The following BDP1 variants were observed in gnomAD, a reference collection of about 807,000 sequenced individuals.
The protein encoded by BDP1 is transcription factor TFIIIB component B'' homolog.
BDP1 carries 169 observed loss-of-function variants against 266.6 expected under a neutral mutation model. The ratio of observed to expected loss-of-function variants is 0.63; its 90% CI spans 0.56 to 0.72. BDP1 has a LOEUF of 0.72. Ranked by LOEUF, BDP1 falls within the 30% of genes least tolerant of loss-of-function variation. The pLI, the probability that BDP1 is intolerant of heterozygous loss-of-function variation, is 0.00. For missense variants in BDP1, 3,015 were observed against 3,053.8 expected (o/e 0.99, Z 0.30); for synonymous variants, 1,090 against 1,022.4 (o/e 1.07, Z -1.26).
At chr5:71,569,689 A>G (rs1175682719), downstream of BDP1, among the ~76,000 whole-genome samples, 1 of 152,132 alleles carries the variant, frequency 6.6e-6, no homozygotes, top group African/African-American at 2.4e-5. Flanking sequence ...AGGTTGCAGT[A>G]CGCTGATATT....
chr5:71,486,115 G>GT (rs1763244423), intron 8 of BDP1, among the ~76,000 whole-genome samples: 1 of 151,986 alleles, frequency 6.6e-6, no homozygotes, highest in African/African-American at 2.4e-5. Flanking sequence ...CCTAGTATCT[G>GT]TTTTCTTCCA....
At chr5:71,468,607 C>CTT (rs11376926) in intron 6 of BDP1, among the ~76,000 whole-genome samples, 1,447 of 134,732 alleles carry the variant, frequency 0.011, 32 homozygotes, top group African/African-American at 0.029. Flanking sequence ...ACAATATTTC[C>CTT]TTTTTTTTTT....
intron 25 of BDP1, among the ~76,000 whole-genome samples, chr5:71,527,022 T>C (rs1442313960): frequency 3.3e-5 from 5 of 151,454 alleles, no homozygotes; most frequent in Non-Finnish European, 7.4e-5. Context: ...TCAGTGGCAT[T>C]AAGAACATTC....
At chr5:71,502,564 A>T (rs773772809) in intron 14 of BDP1, 35 bp from the exon 15 acceptor site, 5 of 1,538,428 alleles carry the variant, frequency 3.3e-6, no homozygotes, top group Admixed American at 4.2e-5. Flanking sequence ...GGTGACTTCA[A>T]AATAAACATT....
chr5:71,528,342 TG>T (rs1311659859), intron 25 of BDP1, among the ~76,000 whole-genome samples: 2 of 152,212 alleles, frequency 1.3e-5, no homozygotes, highest in Non-Finnish European at 2.9e-5. Context: ...CACTTTTGCC[TG>T]TTAGTCTGCC....
intron 13 of BDP1, among the ~76,000 whole-genome samples, chr5:71,498,170 T>C (rs574548261): frequency 1.3e-5 from 2 of 152,260 alleles, no homozygotes; most frequent in African/African-American, 4.8e-5. Flanking sequence ...CAGGATGGTC[T>C]CTGTCTCCTG....
chr5:71,494,933 A>G (rs1198528675), intron 11 of BDP1: 1 of 169,658 alleles, frequency 5.9e-6, no homozygotes, highest in Non-Finnish European at 1.2e-5. Context: ...CCTGGCCTCA[A>G]GTGATCTGCC....
At chr5:71,575,874 G>A in the BDP1 span, among the ~76,000 whole-genome samples, 27 of 152,236 alleles carry the variant, frequency 1.8e-4, no homozygotes, top group Middle Eastern at 3.4e-3. Flanking sequence ...TCTTTTGGCC[G>A]CTCCTACAGA....
At position 71,562,324 on chromosome 5, in the gene BDP1, G is replaced by A; in HGVS notation, c.7547G>A (p.Ser2516Asn). 6.2e-7 allele frequency: 1 copy of A among 1,608,610 alleles called. No individual in the cohort carries two copies. Among genetic ancestry groups the A allele is most frequent in the South Asian group, 1.1e-5 (1 of 90,964 alleles). The change falls in exon 38 of 39, where the codon AGT becomes AAT. Residue 2516 changes from serine (S) to asparagine (N), a missense_variant. Transcript: ENST00000358731. ...TTATCTTTAATATGCTCAAAGAATA[G>A]TTTGGAGTCTGATGAACCTATGCAA... ...GFLSLICSKNSLESDEPMQVH... is the reference protein window; with the variant it reads ...GFLSLICSKNNLESDEPMQVH...
chr5:71,568,914 G>A (rs1165540628), downstream of BDP1, among the ~76,000 whole-genome samples: 4 of 152,162 alleles, frequency 2.6e-5, no homozygotes, highest in Admixed American at 2.6e-4. Context: ...AAAATCAGTT[G>A]TCCCTGCCAC....
rs370219107 is a variant in BDP1, at chr5:71,478,096, C to G, written c.1015-5746C>G. 9.9e-5 allele frequency among the ~76,000 whole-genome samples: 15 copies of G among 152,122 alleles called. 1 individual carries two copies. Among genetic ancestry groups the G allele is most frequent in the African/African-American group, 3.6e-4 (15 of 41,526 alleles). On this transcript the variant is annotated intron_variant, in intron 7 of 38. Coordinates refer to ENST00000358731, the MANE Select transcript of BDP1 (RefSeq NM_018429.3). ...AGGAACCCTGTCTCTACTAAAAATA[C>G]AAAATTAGCCAGGCGTGGTGGCACA... is the stretch of plus-strand genomic sequence containing the variant.
chr5:71,490,972 T>A lies in BDP1; in HGVS notation c.1493-12T>A, dbSNP rs777696879. On this transcript the variant is annotated splice_polypyrimidine_tract_variant and intron_variant, in intron 10 of 38. Coordinates refer to ENST00000358731, the MANE Select transcript of BDP1 (RefSeq NM_018429.3). ...GTCATTTTTTAGAATAACATGCATT[T>A]TGTATTTGTAGATAAATGTCAGGCT... The A allele has an allele frequency of 6.1e-5, 96 of 1,584,338 alleles. 1 individual carries two copies. The South Asian group carries it at 1.1e-3, about 18-fold the overall frequency.
intron 10 of BDP1, 123 bp from the exon 11 acceptor site, chr5:71,490,861 A>G: frequency 1.1e-6 from 1 of 945,228 alleles, no homozygotes; most frequent in Non-Finnish European, 1.5e-6. Flanking sequence ...TGCCTTGCAA[A>G]TAGGGACTTG....
At chr5:71,517,697 A>G (rs1273100494) in intron 22 of BDP1, among the ~76,000 whole-genome samples, 1 of 152,184 alleles carries the variant, frequency 6.6e-6, no homozygotes, top group Non-Finnish European at 1.5e-5. Flanking sequence ...AAAGTTTGAC[A>G]AGCATCCTAC....
At chr5:71,484,467 A>T (rs1413973265) in intron 8 of BDP1, among the ~76,000 whole-genome samples, 1 of 152,058 alleles carries the variant, frequency 6.6e-6, no homozygotes, top group Non-Finnish European at 1.5e-5. Flanking sequence ...GAGAGGGTGG[A>T]TGTTTAGGTC....
chr5:71,558,719 G>A (rs369574062), intron 36 of BDP1, among the ~76,000 whole-genome samples: 3 of 151,938 alleles, frequency 2.0e-5, no homozygotes, highest in East Asian at 1.9e-4. Context: ...CCAGTTACTC[G>A]GCAGGCTGAG....
chr5:71,479,168 G>A (rs1423453182), intron 7 of BDP1, among the ~76,000 whole-genome samples: 1 of 150,982 alleles, frequency 6.6e-6, no homozygotes, highest in Non-Finnish European at 1.5e-5. Flanking sequence ...TCAGCCTCCC[G>A]AGTAGCTGGG....
intron 25 of BDP1, among the ~76,000 whole-genome samples, chr5:71,526,174 C>T (rs551336648): frequency 2.6e-5 from 4 of 152,192 alleles, no homozygotes; most frequent in Admixed American, 1.3e-4. Flanking sequence ...AACGCAACTC[C>T]GTCTGCCATC....
Position 71,464,047 on chromosome 5 carries a change from A to G in BDP1, c.600-11A>G, listed in dbSNP as rs765659268. On this transcript the variant is annotated splice_polypyrimidine_tract_variant and intron_variant, in intron 3 of 38. Coordinates refer to ENST00000358731, the MANE Select transcript of BDP1 (RefSeq NM_018429.3). ...TAATTTATTAAAGATATTGTTATTT[A>G]TGTTCAATAGTTCTTCACTGGAACA... is the stretch of plus-strand genomic sequence containing the variant. 1.4e-6 allele frequency: 2 copies of G among 1,476,352 alleles called. No individual in the cohort carries two copies. Among genetic ancestry groups the G allele is most frequent in the Non-Finnish European group, 1.9e-6 (2 of 1,080,818 alleles). The allele number at this position is 1,476,352 out of a possible 1,614,324, so 91.5% of individuals were successfully genotyped here.
Sources: gnomAD v4.1 joint callset for allele counts (sites outside exome capture counted in the v4.1 genomes callset) on GRCh38, gnomAD v4.1.1 for gene constraint, MANE v1.5 for transcripts, NCBI Gene and HGNC (gene_info 2026-07-23, HGNC 2026-07-21) for gene names.